Variants in ATXN10 observed in about 807,000 individuals in gnomAD.
ATXN10 encodes ataxin-10.
Under a neutral mutation model 52.9 loss-of-function variants are expected in ATXN10, and 28 were observed. The observed-to-expected ratio is 0.53, with a 90% confidence interval of 0.39 to 0.73. The LOEUF (loss-of-function observed/expected upper bound fraction) is 0.73, where lower values mean the gene tolerates loss of function less well. Ranked by LOEUF, ATXN10 falls within the 30% of genes least tolerant of loss-of-function variation. The probability of loss-of-function intolerance (pLI) is 0.00; values close to 1 mark genes in which losing one functional copy is unlikely to be tolerated. For missense variants in ATXN10, 565 were observed against 577.0 expected, an observed-to-expected ratio of 0.98 and a Z score of 0.21; for synonymous variants, 226 against 221.5, an observed-to-expected ratio of 1.02 and a Z score of -0.18.
chr22:45,721,917 G>A (rs2146779200), intron 6 of ATXN10, among the ~76,000 whole-genome samples: 1 of 150,840 alleles, frequency 6.6e-6, no homozygotes, highest in South Asian at 2.1e-4. Context: ...TCTGTCACAT[G>A]AAAAAACAAA....
Position 45,718,429 on chromosome 22 carries a change from G to C in ATXN10, c.664G>C (p.Asp222His). The C allele has an allele frequency of 1.2e-6, 2 of 1,613,426 alleles. No individual in the cohort carries two copies. The highest frequency in any genetic ancestry group is 1.7e-6 in the Non-Finnish European group (2 of 1,179,560). Residue 222 changes from aspartate (D) to histidine (H), a missense_variant, in exon 6 of 12, where the codon GAC becomes CAC. Transcript: ENST00000252934. The surrounding 1 kb of genome is among the most constrained non-coding windows in gnomAD (Gnocchi z 4.4). ...TTTCCCTAGGTTCTTGATTATTACA[G>C]ACCTCTTTCTGAAAAGCCCGGAATT... Reference protein sequence around the residue: ...ESEWPFLIITDLFLKSPELVQ... With the variant: ...ESEWPFLIITHLFLKSPELVQ...
At chr22:45,756,624 T>A (rs1926182839) in intron 9 of ATXN10, among the ~76,000 whole-genome samples, 1 of 152,194 alleles carries the variant, frequency 6.6e-6, no homozygotes, top group Non-Finnish European at 1.5e-5. Context: ...TGTTGAACTT[T>A]TCCCAGTCCA....
rs1360769208 is a variant in ATXN10, at chr22:45,671,951, G to T, written c.-113G>T. 2.4e-6 allele frequency: 3 copies of T among 1,241,146 alleles called. No individual in the cohort carries two copies. Among genetic ancestry groups the T allele is most frequent in the Non-Finnish European group, 2.2e-6 (2 of 898,932 alleles). 76.9% of individuals were successfully genotyped at this position (1,241,146 alleles called of 1,614,324 possible). On this transcript the variant is annotated 5_prime_UTR_variant, in exon 1 of 12. Coordinates refer to ENST00000252934, the MANE Select transcript of ATXN10 (RefSeq NM_013236.4). ...GGCGGCGGTTAGGGCTGTGTAGGGC[G>T]AGGCCTCCCCCTTCCTCCTCGCCAT...
At position 45,805,062 on chromosome 22, in the gene ATXN10, C is replaced by T. The variant is rs1928054718; in HGVS notation, c.1174-1897C>T. 6.6e-6 allele frequency among the ~76,000 whole-genome samples: 1 copy of T among 152,182 alleles called. No individual in the cohort carries two copies. The highest frequency in any genetic ancestry group is 1.5e-5 in the Non-Finnish European group (1 of 68,024). On this transcript the variant is annotated intron_variant, in intron 9 of 11. Transcript: ENST00000252934. This position sits in a 1 kb window ranked among gnomAD's most constrained non-coding sequence, Gnocchi z 4.4. ...GTGTTTGTACCGTAGTTTATGTAAG[C>T]AACCCCCATTCGTGGAGACTTGAGT...
rs1268361478 is a variant in ATXN10, at chr22:45,727,292, AGATACTT to A, written c.729-2128_729-2122del. Among the ~76,000 whole-genome samples the A allele has an allele frequency of 1.3e-5, 2 of 152,006 alleles. No homozygotes were observed. The highest frequency in any genetic ancestry group is 2.9e-5 in the Non-Finnish European group (2 of 68,018). On this transcript the variant is annotated intron_variant, in intron 6 of 11. Coordinates refer to ENST00000252934, the MANE Select transcript of ATXN10 (RefSeq NM_013236.4). This position sits in a 1 kb window ranked among gnomAD's most constrained non-coding sequence, Gnocchi z 4.6. ...AGTTTTATTCTATTGTGGTCTGAGA[AGATACTT>A]GATATAGTTCTGTCTGTCTGTCTAT...
chr22:45,777,413 G>A (rs866226835), intron 9 of ATXN10, among the ~76,000 whole-genome samples: 1 of 152,262 alleles, frequency 6.6e-6, no homozygotes, highest in South Asian at 2.1e-4. Context: ...TTTTTTACAG[G>A]TTCATATAAT....
chr22:45,713,223 A>G (rs1409614340), intron 5 of ATXN10, among the ~76,000 whole-genome samples: 2 of 152,124 alleles, frequency 1.3e-5, no homozygotes, highest in South Asian at 4.1e-4. Flanking sequence ...TTTGTATATC[A>G]GTATTGTAAT....
rs913619547 is a variant in ATXN10 at position 45,783,991 on chromosome 22, C to T, written c.1174-22968C>T. Among the ~76,000 whole-genome samples, 2 of 152,180 alleles carry T rather than the reference C, an allele frequency of 1.3e-5. No individual in the cohort carries two copies. Among genetic ancestry groups the T allele is most frequent in the African/African-American group, 2.4e-5 (1 of 41,452 alleles). Reference sequence around the variant, plus strand: ...CACTACCCGCATTTGTCCCTGACTGCTTTGCAGGCCGTCCCCTGTCCTACA... The same window carrying T: ...CACTACCCGCATTTGTCCCTGACTGTTTTGCAGGCCGTCCCCTGTCCTACA... On this transcript the variant is annotated intron_variant, in intron 9 of 11. Coordinates refer to ENST00000252934, the MANE Select transcript of ATXN10 (RefSeq NM_013236.4). This position sits in a 1 kb window ranked among gnomAD's most constrained non-coding sequence, Gnocchi z 5.0.
At chr22:45,682,901 C>G (rs1922986024) in intron 1 of ATXN10, among the ~76,000 whole-genome samples, 1 of 152,170 alleles carries the variant, frequency 6.6e-6, no homozygotes, top group Admixed American at 6.5e-5. Context: ...TCCCTCTGCT[C>G]CAAAAACAGC....
At chr22:45,674,128 G>C (rs1048997234) in intron 1 of ATXN10, 3 of 152,206 alleles carry the variant, frequency 2.0e-5, no homozygotes, top group African/African-American at 7.2e-5. Flanking sequence ...GAGACAGGGG[G>C]GACCTTTAAG....
In ATXN10 at chr22:45,705,449, T is replaced by G. The variant is rs1010358653; in HGVS notation, c.647+2602T>G. Among the ~76,000 whole-genome samples the G allele has an allele frequency of 2.6e-5, 4 of 152,094 alleles. No individual in the cohort carries two copies. Among genetic ancestry groups the G allele is most frequent in the Non-Finnish European group, 5.9e-5 (4 of 67,994 alleles). On this transcript the variant is annotated intron_variant, in intron 5 of 11. Coordinates refer to ENST00000252934, the MANE Select transcript of ATXN10 (RefSeq NM_013236.4). The surrounding 1 kb of genome is among the most constrained non-coding windows in gnomAD (Gnocchi z 5.2). ...CTTGTTACAGGTCTTGGTTTTTTTT[T>G]TTGAGACGGAGTCTCACTCTGTTGC...
intron 7 of ATXN10, among the ~76,000 whole-genome samples, chr22:45,735,768 T>G (rs80231356): frequency 2.0e-5 from 3 of 151,196 alleles, no homozygotes; most frequent in South Asian, 4.2e-4. Context: ...TTTTTTTTTT[T>G]GCTCACTTCA....
At chr22:45,709,184 C>T (rs886999886) in intron 5 of ATXN10, among the ~76,000 whole-genome samples, 4 of 152,272 alleles carry the variant, frequency 2.6e-5, no homozygotes, top group Admixed American at 6.5e-5. Context: ...CTTCTGTTCG[C>T]GCACAACAGC....
chr22:45,694,831 A>G (rs913191508), intron 3 of ATXN10, among the ~76,000 whole-genome samples: 2 of 148,366 alleles, frequency 1.3e-5, no homozygotes, highest in Admixed American at 6.8e-5. Flanking sequence ...AGTCGCAGCT[A>G]CTTGGAGGCT....
intron 9 of ATXN10, among the ~76,000 whole-genome samples, chr22:45,771,246 A>G (rs1457970818): frequency 1.3e-5 from 2 of 152,190 alleles, no homozygotes; most frequent in Non-Finnish European, 2.9e-5. Flanking sequence ...CATACAATGG[A>G]ATACAACTCT....
chr22:45,695,782 G>A lies in ATXN10; in HGVS notation c.391+2704G>A, dbSNP rs909886682. Among the ~76,000 whole-genome samples the A allele has an allele frequency of 2.0e-4, 30 of 152,064 alleles. No individual in the cohort carries two copies. The South Asian group carries it at 2.7e-3, about 14-fold the overall frequency. On this transcript the variant is annotated intron_variant, in intron 3 of 11. Transcript: ENST00000252934. ...GCTGGGATTACAGGCATGAACCACCGCACCTGGCCACGTGAGGCATATTTC... is the reference window on the plus strand; with the variant it reads ...GCTGGGATTACAGGCATGAACCACCACACCTGGCCACGTGAGGCATATTTC...
chr22:45,731,055 T>C (rs1925072146), intron 7 of ATXN10, among the ~76,000 whole-genome samples: 2 of 152,240 alleles, frequency 1.3e-5, no homozygotes, highest in Admixed American at 1.3e-4. Context: ...AGGGAGCTTA[T>C]GTTAATTCTC....
In ATXN10 at chr22:45,689,860, C is replaced by T. The variant is rs888558149; in HGVS notation, c.265C>T (p.Arg89Cys). The T allele has an allele frequency of 8.7e-6, 14 of 1,614,046 alleles. No individual in the cohort carries two copies. The highest frequency in any genetic ancestry group is 4.5e-5 in the East Asian group (2 of 44,896). The change falls in exon 2 of 12, where the codon CGC (arginine) becomes TGC (cysteine). Residue 89 changes from arginine to cysteine, a missense_variant. Transcript: ENST00000252934. ...QLITECFRCL[R>C]NACIECSVNQ... ...AATAACAGAATGCTTCAGGTGTCTT[C>T]GCAATGCTTGCATAGAGTGTTCTGT...
At chr22:45,704,386 TA>T (rs1923959226) in intron 5 of ATXN10, among the ~76,000 whole-genome samples, 1 of 152,246 alleles carries the variant, frequency 6.6e-6, no homozygotes, top group Admixed American at 6.5e-5. Flanking sequence ...ATTGCCATCT[TA>T]CCTAGATTAA....
Sources: allele counts gnomAD v4.1 joint callset (sites outside exome capture counted in the v4.1 genomes callset), GRCh38; gene constraint gnomAD v4.1.1; non-coding constraint Gnocchi (gnomAD v3.1); transcripts MANE v1.5; gene names NCBI Gene and HGNC (gene_info 2026-07-23, HGNC 2026-07-21).